The following PTPRD variants were observed in gnomAD, a reference collection of about 807,000 sequenced individuals.
PTPRD encodes protein tyrosine phosphatase receptor type D, also known as receptor-type tyrosine-protein phosphatase delta.
A neutral mutation model predicts 214.5 loss-of-function variants in PTPRD; 34 were observed. That is an observed-to-expected ratio of 0.16 (90% CI 0.12 to 0.21). The LOEUF (loss-of-function observed/expected upper bound fraction) is 0.21. PTPRD is among the 10% of genes least tolerant of loss of function. The pLI is 1.00. For synonymous variants in PTPRD, 1,128 were observed against 845.7 expected (o/e 1.33, Z -5.79); for missense variants, 2,545 against 2,398.7 (o/e 1.06, Z -1.27).
intron 14 of PTPRD, among the ~76,000 whole-genome samples, chr9:8,609,040 C>T (rs1401482975): frequency 2.0e-5 from 3 of 152,190 alleles, no homozygotes; most frequent in Non-Finnish European, 2.9e-5. Flanking sequence ...CATCTGTGGG[C>T]AAAGTGCAGC....
Position 8,940,280 on chromosome 9 carries a change from C to CTTTTTTTTTTTT in PTPRD, c.-104+78405_-104+78416dup, listed in dbSNP as rs34342718. ...TCACACATCTCTCTCTCTCTCTCTC[C>CTTTTTTTTTTTT]TTTTTTTTTTTTTTTTTTTTGAGAT... On this transcript the variant is annotated intron_variant, in intron 11 of 45. Transcript: ENST00000381196. Among the ~76,000 whole-genome samples the CTTTTTTTTTTTT allele has an allele frequency of 1.5e-3, 134 of 89,022 alleles. 18 individuals carry two copies. Among genetic ancestry groups the CTTTTTTTTTTTT allele is most frequent in the African/African-American group, 2.9e-3 (66 of 22,892 alleles). 58.4% of individuals were successfully genotyped at this position (89,022 alleles called of 152,430 possible). A position where few individuals can be genotyped will look rare whatever the true frequency, so the allele number is the denominator to read the frequency against.
chr9:9,442,423 T>C (rs1185112993), intron 8 of PTPRD: 1 of 152,264 alleles, frequency 6.6e-6, no homozygotes, highest in African/African-American at 2.4e-5. Flanking sequence ...GTAGTACTGA[T>C]GTCTGGGCCT....
intron 9 of PTPRD, among the ~76,000 whole-genome samples, chr9:9,314,519 G>T (rs1245171873): frequency 3.3e-5 from 5 of 152,066 alleles, no homozygotes; most frequent in Non-Finnish European, 5.9e-5. Context: ...GGCCTGGCTT[G>T]ACAAAATGTT....
chr9:8,485,955 A>T lies in PTPRD; in HGVS notation c.2862T>A (p.Tyr954Ter), dbSNP rs2135930567. The T allele has an allele frequency of 6.2e-7, 1 of 1,614,190 alleles. No homozygotes were observed. Among genetic ancestry groups the T allele is most frequent in the Non-Finnish European group, 8.5e-7 (1 of 1,180,028 alleles). Residue 954 changes from tyrosine to a stop codon, truncating the protein, a stop_gained, in exon 28 of 46, where the codon TAT becomes TAA. Coordinates refer to ENST00000381196, the MANE Select transcript of PTPRD (RefSeq NM_002839.4). LOFTEE classifies it high-confidence loss of function. ...LAERNGIITK[Y>*]TLLYRDINIP... is the part of the protein sequence containing the mutation. The stretch of plus-strand genomic sequence containing the variant: ...TGTTGATATCCCTATAAAGAAGGGT[A>T]TACTTGGTGATAATGCCATTTCTCT...
intron 10 of PTPRD, among the ~76,000 whole-genome samples, chr9:9,136,720 T>A (rs994005123): frequency 6.6e-6 from 1 of 152,216 alleles, no homozygotes; most frequent in South Asian, 2.1e-4. Context: ...TATTTGCCCC[T>A]GTAGATAAAT....
At chr9:10,423,065 T>A (rs556165324) in intron 2 of PTPRD, among the ~76,000 whole-genome samples, 1 of 151,972 alleles carries the variant, frequency 6.6e-6, no homozygotes, top group Non-Finnish European at 1.5e-5. Flanking sequence ...CAAATGTCCA[T>A]CAATGATAGA....
intron 2 of PTPRD, among the ~76,000 whole-genome samples, chr9:10,502,738 T>C (rs763970703): frequency 3.9e-5 from 6 of 152,116 alleles, no homozygotes; most frequent in Non-Finnish European, 7.4e-5. Context: ...TATCTTATAC[T>C]GTTGCATGTA....
intron 22 of PTPRD, among the ~76,000 whole-genome samples, chr9:8,506,909 A>G (rs2137455484): frequency 6.6e-6 from 1 of 152,310 alleles, no homozygotes; most frequent in African/African-American, 2.4e-5. Flanking sequence ...TCATTAACAT[A>G]TAGAGCTAAT....
chr9:10,086,980 A>T (rs891373219), intron 3 of PTPRD, among the ~76,000 whole-genome samples: 3 of 151,800 alleles, frequency 2.0e-5, no homozygotes, highest in Admixed American at 6.6e-5. Flanking sequence ...TTCCAAAAGG[A>T]CTCAAACTTA....
Position 8,977,476 on chromosome 9 carries a change from C to G in PTPRD, c.-104+41221G>C, listed in dbSNP as rs115989683. On this transcript the variant is annotated intron_variant, in intron 11 of 45. Coordinates refer to ENST00000381196, the MANE Select transcript of PTPRD (RefSeq NM_002839.4). ...ATTTAAACTAAATTATTGGCTGTTTCCCATAAGGGCTCTATGTGCTGTTAT... is the reference window on the plus strand; with the variant it reads ...ATTTAAACTAAATTATTGGCTGTTTGCCATAAGGGCTCTATGTGCTGTTAT... Among the ~76,000 whole-genome samples, 276 of 152,142 alleles carry G rather than the reference C, an allele frequency of 1.8e-3. 2 individuals are homozygous for G. The highest frequency in any genetic ancestry group is 6.5e-3 in the African/African-American group (270 of 41,528).
chr9:9,189,812 T>A (rs1272830213), intron 9 of PTPRD, among the ~76,000 whole-genome samples: 1 of 152,020 alleles, frequency 6.6e-6, no homozygotes, highest in African/African-American at 2.4e-5. Flanking sequence ...ACTTTACCCA[T>A]TAGGTTGTTT....
chr9:9,246,303 T>A (rs2099973040), intron 9 of PTPRD, among the ~76,000 whole-genome samples: 1 of 152,078 alleles, frequency 6.6e-6, no homozygotes, highest in Non-Finnish European at 1.5e-5. Context: ...TGTGGAATTG[T>A]TGAAATTAAA....
At chr9:10,163,746 C>A (rs2099142534) in intron 3 of PTPRD, among the ~76,000 whole-genome samples, 1 of 151,338 alleles carries the variant, frequency 6.6e-6, no homozygotes, top group Non-Finnish European at 1.5e-5. Flanking sequence ...TAATCCTCTT[C>A]AAAAATATAT....
chr9:10,396,855 T>C (rs972647037), intron 2 of PTPRD, among the ~76,000 whole-genome samples: 8 of 151,904 alleles, frequency 5.3e-5, no homozygotes, highest in African/African-American at 1.7e-4. Flanking sequence ...CAGGCATAGA[T>C]TGAAGGGAGC....
chr9:9,158,462 T>C (rs929919970), intron 10 of PTPRD, among the ~76,000 whole-genome samples: 1 of 152,014 alleles, frequency 6.6e-6, no homozygotes, highest in African/African-American at 2.4e-5. Flanking sequence ...TAGCTGGGCA[T>C]GGTGGCACGT....
At chr9:9,354,849 G>C (rs1252258220) in intron 9 of PTPRD, among the ~76,000 whole-genome samples, 1 of 151,684 alleles carries the variant, frequency 6.6e-6, no homozygotes, top group African/African-American at 2.4e-5. Flanking sequence ...AAGATATCTG[G>C]AGGAAAAATA....
intron 3 of PTPRD, among the ~76,000 whole-genome samples, chr9:10,178,699 A>C (rs190220689): frequency 6.6e-6 from 1 of 151,948 alleles, no homozygotes; most frequent in Non-Finnish European, 1.5e-5. Flanking sequence ...AATTGGTACT[A>C]TTGATATTCT....
chr9:8,826,799 C>T (rs1207790364), intron 11 of PTPRD, among the ~76,000 whole-genome samples: 1 of 152,074 alleles, frequency 6.6e-6, no homozygotes, highest in Non-Finnish European at 1.5e-5. Context: ...AGAAGAAATT[C>T]TACAAATATT....
At chr9:9,757,733 T>G (rs1354597658) in intron 6 of PTPRD, among the ~76,000 whole-genome samples, 3 of 152,146 alleles carry the variant, frequency 2.0e-5, no homozygotes, top group African/African-American at 7.2e-5. Context: ...CATATAAATA[T>G]AAGAAAGGAT....
Sources: allele counts gnomAD v4.1 joint callset (sites outside exome capture counted in the v4.1 genomes callset), GRCh38; gene constraint gnomAD v4.1.1; transcripts MANE v1.5; gene names NCBI Gene and HGNC (gene_info 2026-07-23, HGNC 2026-07-21).